ANKRD36C: variants seen among roughly 807,000 people sequenced by gnomAD.
The protein encoded by ANKRD36C is ankyrin repeat domain-containing protein 36C.
Under a neutral mutation model 276.4 loss-of-function variants are expected in ANKRD36C, and 61 were observed. The observed-to-expected ratio is 0.22, with a 90% CI of 0.18 to 0.27. The LOEUF (loss-of-function observed/expected upper bound fraction) is 0.27. ANKRD36C is among the 10% of genes least tolerant of loss of function. The pLI is 1.00. For synonymous variants in ANKRD36C, 483 were observed against 680.1 expected, an observed-to-expected ratio of 0.71 and a Z score of 4.51; for missense variants, 1,447 against 2,032.3, an observed-to-expected ratio of 0.71 and a Z score of 5.54.
exon 56 of ANKRD36C, chr2:95,882,302 C>T: frequency 1.3e-6 from 2 of 1,550,044 alleles, no homozygotes; most frequent in Non-Finnish European, 1.7e-6. Context: ...GCTAAATTAC[C>T]TGTTCCAGAT....
Position 95,903,071 on chromosome 2 carries a change from C to A in ANKRD36C, c.2654-3735G>T. On this transcript the variant is annotated intron_variant, in intron 42 of 66. Coordinates refer to ENST00000456556, the Ensembl canonical transcript of ANKRD36C. ...TCATTACCTTCAAGCCTGGTGGTTG[C>A]TCTGAAGACACTGAAAAGTAAAAGG... 3.8e-6 allele frequency: 6 copies of A among 1,568,510 alleles called. No homozygotes were observed. In the South Asian group the frequency reaches 6.9e-5, roughly 18 times the overall value.
At chr2:95,974,423 G>T (rs894018543) in intron 6 of ANKRD36C, among the ~76,000 whole-genome samples, 4 of 152,118 alleles carry the variant, frequency 2.6e-5, no homozygotes, top group Non-Finnish European at 5.9e-5. Context: ...CTATATAGTT[G>T]TCAAAAATAC....
intron 54 of ANKRD36C, 21 bp downstream of exon 74, chr2:95,884,152 A>G: frequency 1.3e-6 from 2 of 1,598,932 alleles, no homozygotes; most frequent in Admixed American, 3.4e-5. Flanking sequence ...ACATGACATT[A>G]AATGTGTTTT....
At chr2:95,867,227 T>C (rs1675700253) in intron 60 of ANKRD36C, among the ~76,000 whole-genome samples, 1 of 152,182 alleles carries the variant, frequency 6.6e-6, no homozygotes, top group African/African-American at 2.4e-5. Context: ...ACTGTGTGTA[T>C]CATTCACACT....
chr2:95,947,269 T>G (rs1445767798), intron 17 of ANKRD36C, among the ~76,000 whole-genome samples: 1 of 152,074 alleles, frequency 6.6e-6, no homozygotes, highest in Non-Finnish European at 1.5e-5. Flanking sequence ...CACCTCAACT[T>G]ATAGATTCTC....
chr2:95,960,726 C>G, intron 8 of ANKRD36C, 59 bp from the exon 9 acceptor site: 1 of 716,798 alleles, frequency 1.4e-6, no homozygotes, highest in Non-Finnish European at 2.2e-6. Flanking sequence ...GTTATCCATA[C>G]TTTCATGCAG....
chr2:95,929,603 A>T (rs911002741), intron 24 of ANKRD36C, among the ~76,000 whole-genome samples: 2 of 151,634 alleles, frequency 1.3e-5, no homozygotes, highest in South Asian at 2.1e-4. Context: ...CAACTCATAC[A>T]CCTGGGAATC....
chr2:95,923,932 AAC>A (rs1251069503), intron 30 of ANKRD36C, among the ~76,000 whole-genome samples: 3 of 151,814 alleles, frequency 2.0e-5, no homozygotes, highest in East Asian at 2.0e-4. Flanking sequence ...ACTAAAATGA[AAC>A]AGTGTTAGTA....
chr2:95,910,638 C>A (rs201845359), intron 42 of ANKRD36C, 70 bp from the exon 45 acceptor site: 110 of 1,596,606 alleles, frequency 6.9e-5, no homozygotes, highest in East Asian at 2.0e-4. Context: ...ATTCATGCAG[C>A]GTTAGCATCA....
intron 61 of ANKRD36C, among the ~76,000 whole-genome samples, chr2:95,858,657 T>C (rs1401676341): frequency 6.6e-6 from 1 of 152,216 alleles, no homozygotes; most frequent in Non-Finnish European, 1.5e-5. Flanking sequence ...GAAACATTCA[T>C]TGCAGGTATC....
rs1272970737 is a variant in ANKRD36C, at chr2:95,882,413, T to C, written c.3295-39A>G. Reference sequence around the variant, plus strand: ...GAAACAAAATAGTCAATACATAATATATATTTCATAGGCTATGCAATAAAT... The same window carrying C: ...GAAACAAAATAGTCAATACATAATACATATTTCATAGGCTATGCAATAAAT... On this transcript the variant is annotated intron_variant, in intron 55 of 66. Transcript: ENST00000456556. The C allele has an allele frequency of 6.5e-6, 10 of 1,546,784 alleles. No individual in the cohort carries two copies. In the South Asian group the frequency reaches 1.2e-4, roughly 18 times the overall value.
chr2:95,897,783 C>A (rs1420969706), intron 44 of ANKRD36C, among the ~76,000 whole-genome samples: 1 of 148,028 alleles, frequency 6.8e-6, no homozygotes, highest in Non-Finnish European at 1.5e-5. Flanking sequence ...AGAGGAGCAA[C>A]ACATACACCT....
At chr2:95,956,984 C>CTGG (rs1678342290) in intron 12 of ANKRD36C, among the ~76,000 whole-genome samples, 168 bp from the exon 13 acceptor site, 2 of 151,404 alleles carry the variant, frequency 1.3e-5, no homozygotes, top group East Asian at 3.9e-4. Context: ...TTGGGCAGCA[C>CTGG]AGAAACACTC....
At chr2:95,910,287 G>A (rs1296610984) in intron 42 of ANKRD36C, 86 bp downstream of exon 46, 15 of 1,401,006 alleles carry the variant, frequency 1.1e-5, no homozygotes, top group Non-Finnish European at 1.4e-5. Context: ...GTGCAGCTTC[G>A]ACGAGCCACC....
intron 34 of ANKRD36C, among the ~76,000 whole-genome samples, chr2:95,920,970 ATTCTAGCATTGT>A (rs1402214889): frequency 6.7e-6 from 1 of 150,226 alleles, no homozygotes; most frequent in African/African-American, 2.5e-5. Context: ...CTTTATCCCA[ATTCTAGCATTGT>A]TTCCTGCTTC....
chr2:95,916,510 C>T (rs1036794421), intron 36 of ANKRD36C, among the ~76,000 whole-genome samples: 15 of 151,718 alleles, frequency 9.9e-5, no homozygotes, highest in South Asian at 8.3e-4. Context: ...TGAGAATCAA[C>T]GTCAAAACAG....
At chr2:95,925,573 T>C (rs760905293) in intron 28 of ANKRD36C, 26 bp from the exon 29 acceptor site, 40 of 1,532,738 alleles carry the variant, frequency 2.6e-5, no homozygotes, top group Non-Finnish European at 2.1e-5. Context: ...AATATATAAT[T>C]CATCATATGT....
chr2:95,988,422 G>T (rs1679076167), intron 1 of ANKRD36C, among the ~76,000 whole-genome samples: 1 of 151,138 alleles, frequency 6.6e-6, no homozygotes, highest in Non-Finnish European at 1.5e-5. Context: ...AGGAATAAAA[G>T]ATCCAATTGG....
chr2:95,919,655 C>G, intron 34 of ANKRD36C, 78 bp downstream of exon 36: 1 of 613,746 alleles, frequency 1.6e-6, no homozygotes, highest in Non-Finnish European at 2.0e-6. Flanking sequence ...CCCACCCACC[C>G]TCCGCTGATT....
Sources: allele counts gnomAD v4.1 joint callset (sites outside exome capture counted in the v4.1 genomes callset), GRCh38; gene constraint gnomAD v4.1.1; transcripts MANE v1.5; gene names NCBI Gene and HGNC (gene_info 2026-07-23, HGNC 2026-07-21).